The following RNGTT variants were observed in gnomAD, a reference collection of about 807,000 sequenced individuals.
The protein encoded by RNGTT is RNA guanylyltransferase and 5'-phosphatase.
In RNGTT, 33 loss-of-function variants were observed where a neutral mutation model predicts 79.3. The ratio of observed to expected loss-of-function variants is 0.42; its 90% CI spans 0.32 to 0.56. The LOEUF is 0.56. Among genes scored for constraint, RNGTT ranks in the 20% least tolerant of loss-of-function variants. The pLI is 0.17. For synonymous variants in RNGTT, 222 were observed against 235.9 expected (o/e 0.94, Z 0.54); for missense variants, 497 against 739.1 (o/e 0.67, Z 3.80).
intron 11 of RNGTT, among the ~76,000 whole-genome samples, chr6:88,840,635 G>A (rs2127897769): frequency 6.6e-6 from 1 of 152,306 alleles, no homozygotes; most frequent in Non-Finnish European, 1.5e-5. Flanking sequence ...TTGGGCACAA[G>A]CGATCCAAGT....
In RNGTT at chr6:88,611,768, T is replaced by G. The variant is rs1582231535; in HGVS notation, c.*951A>C. The G allele has an allele frequency of 6.5e-6, 1 of 152,674 alleles. No homozygotes were observed. The highest frequency in any genetic ancestry group is 1.9e-4 in the East Asian group (1 of 5,202). The allele number at this position is 152,674 out of a possible 1,614,324, so 9.5% of individuals were successfully genotyped here. A position where few individuals can be genotyped will look rare whatever the true frequency, so the allele number is the denominator to read the frequency against. ...GACATTACCTTCTAATCAAAGAAGT[T>G]AGCTGGCATTCCCTTTGCTGTTTTG... On this transcript the variant is annotated 3_prime_UTR_variant, in exon 16 of 16. Transcript: ENST00000369485.
At chr6:88,753,248 CA>C (rs1269501865) in intron 13 of RNGTT, among the ~76,000 whole-genome samples, 1 of 152,126 alleles carries the variant, frequency 6.6e-6, no homozygotes, top group Non-Finnish European at 1.5e-5. Context: ...CACAGTGGCT[CA>C]CACCTAGCAC....
chr6:88,669,433 G>A (rs967712288), intron 14 of RNGTT, among the ~76,000 whole-genome samples: 22 of 152,188 alleles, frequency 1.4e-4, no homozygotes, highest in African/African-American at 4.8e-4. Flanking sequence ...TAACTTTTGG[G>A]TCTTAAAAAC....
At chr6:88,613,124 G>C (rs1426380990) in intron 15 of RNGTT, among the ~76,000 whole-genome samples, 2 of 152,174 alleles carry the variant, frequency 1.3e-5, no homozygotes, top group Non-Finnish European at 2.9e-5. Flanking sequence ...TGGGCTATAA[G>C]CATGTCTTCC....
intron 2 of RNGTT, among the ~76,000 whole-genome samples, chr6:88,930,616 A>C (rs1342060138): frequency 6.6e-6 from 1 of 152,186 alleles, no homozygotes; most frequent in Non-Finnish European, 1.5e-5. Flanking sequence ...AAAATGTCTA[A>C]GTTCTGCCAA....
intron 13 of RNGTT, among the ~76,000 whole-genome samples, chr6:88,736,462 A>G (rs1777288828): frequency 6.6e-6 from 1 of 152,212 alleles, no homozygotes; most frequent in African/African-American, 2.4e-5. Context: ...TTCACTCAGG[A>G]GAATGATAAC....
At chr6:88,702,530 C>G (rs1775982042) in intron 13 of RNGTT, among the ~76,000 whole-genome samples, 1 of 152,034 alleles carries the variant, frequency 6.6e-6, no homozygotes, top group African/African-American at 2.4e-5. Flanking sequence ...AAACTAGACC[C>G]CTATCTTTTA....
intron 11 of RNGTT, among the ~76,000 whole-genome samples, chr6:88,837,976 T>G (rs926697260): frequency 4.6e-4 from 70 of 152,102 alleles, no homozygotes; most frequent in African/African-American, 1.6e-3. Flanking sequence ...AAAAATCCAA[T>G]AAGTAAAAAT....
At chr6:88,754,840 A>G (rs746579212) in intron 13 of RNGTT, among the ~76,000 whole-genome samples, 5 of 152,228 alleles carry the variant, frequency 3.3e-5, no homozygotes, top group Non-Finnish European at 7.3e-5. Flanking sequence ...ATTTTGGCCC[A>G]TTCCTTTGTT....
At chr6:88,802,109 AC>A (rs1381905101) in intron 11 of RNGTT, among the ~76,000 whole-genome samples, 37 of 152,320 alleles carry the variant, frequency 2.4e-4, no homozygotes, top group Non-Finnish European at 1.5e-5. Flanking sequence ...ATTTGTAACT[AC>A]AAACTAGCTC....
chr6:88,818,915 A>G (rs1336740317), intron 11 of RNGTT, among the ~76,000 whole-genome samples: 1 of 152,216 alleles, frequency 6.6e-6, no homozygotes, highest in Non-Finnish European at 1.5e-5. Context: ...TTTATGTCAT[A>G]ATAAATAAAA....
At chr6:88,627,768 G>A (rs1772688123) in intron 14 of RNGTT, among the ~76,000 whole-genome samples, 1 of 151,966 alleles carries the variant, frequency 6.6e-6, no homozygotes, top group South Asian at 2.1e-4. Context: ...TGAACCATTA[G>A]ACTAAAAACA....
At chr6:88,913,214 CAAAAAAA>C (rs58717773) in intron 4 of RNGTT, among the ~76,000 whole-genome samples, 1 of 65,544 alleles carries the variant, frequency 1.5e-5, no homozygotes. Context: ...CAAAAAAAAA[CAAAAAAA>C]AAAAACAAAA....
chr6:88,949,159 GAAAAAA>G lies in RNGTT; in HGVS notation c.65-7985_65-7980del. Among the ~76,000 whole-genome samples the G allele has an allele frequency of 2.6e-3, 133 of 50,518 alleles. 1 individual carries two copies. The highest frequency in any genetic ancestry group is 4.3e-3 in the Non-Finnish European group (109 of 25,384). 33.1% of individuals were successfully genotyped at this position (50,518 alleles called of 152,430 possible). ...AATAAAAAATAAAATAAAATAAAAT[GAAAAAA>G]AAAAAAAAAAAAAGAAAATGAAAAG... On this transcript the variant is annotated intron_variant, in intron 1 of 15. Coordinates refer to ENST00000369485, the MANE Select transcript of RNGTT (RefSeq NM_003800.5).
At chr6:88,701,597 T>G (rs1435161644) in intron 13 of RNGTT, among the ~76,000 whole-genome samples, 3 of 152,086 alleles carry the variant, frequency 2.0e-5, no homozygotes, top group African/African-American at 7.2e-5. Context: ...ATTACATTGC[T>G]TTTCTCTCTG....
At chr6:88,635,305 A>G (rs1217704615) in intron 14 of RNGTT, among the ~76,000 whole-genome samples, 2 of 152,102 alleles carry the variant, frequency 1.3e-5, no homozygotes, top group Non-Finnish European at 2.9e-5. Context: ...CAGAGATTTT[A>G]GAAAACATGT....
chr6:88,725,136 C>T (rs955626836), intron 13 of RNGTT, among the ~76,000 whole-genome samples: 18 of 152,204 alleles, frequency 1.2e-4, no homozygotes, highest in African/African-American at 4.1e-4. Flanking sequence ...CGGGGCTGGC[C>T]GGGGATTACA....
chr6:88,704,273 A>AAAAAAC (rs1776053182), intron 13 of RNGTT, among the ~76,000 whole-genome samples: 1 of 149,786 alleles, frequency 6.7e-6, no homozygotes, highest in African/African-American at 2.5e-5. Flanking sequence ...AAAAAAAAAA[A>AAAAAAC]AAAAAAAAAA....
intron 12 of RNGTT, among the ~76,000 whole-genome samples, chr6:88,782,347 C>T (rs1202266510): frequency 6.6e-6 from 1 of 151,966 alleles, no homozygotes; most frequent in Non-Finnish European, 1.5e-5. Context: ...CTAACTACCA[C>T]ATTGTACGGG....
Sources: gnomAD v4.1 joint callset for allele counts (sites outside exome capture counted in the v4.1 genomes callset) on GRCh38, gnomAD v4.1.1 for gene constraint, MANE v1.5 for transcripts, NCBI Gene and HGNC (gene_info 2026-07-23, HGNC 2026-07-21) for gene names.